Variants in ARHGAP44 observed in about 807,000 individuals in gnomAD.
ARHGAP44 encodes the protein rho GTPase-activating protein 44.
ARHGAP44 carries 43 observed loss-of-function variants against 106.8 expected under a neutral mutation model. The ratio of observed to expected loss-of-function variants is 0.40; its 90% CI spans 0.32 to 0.52. The LOEUF is 0.52. ARHGAP44 is among the 20% of genes least tolerant of loss of function. The pLI, the probability that ARHGAP44 is intolerant of heterozygous loss-of-function variation, is 0.48. For synonymous variants in ARHGAP44, 439 were observed against 410.3 expected (o/e 1.07, Z -0.85); for missense variants, 866 against 1,050.5 (o/e 0.82, Z 2.43).
At chr17:12,888,985 T>A (rs921819120) in intron 1 of ARHGAP44, among the ~76,000 whole-genome samples, 9 of 152,180 alleles carry the variant, frequency 5.9e-5, no homozygotes, top group Non-Finnish European at 1.0e-4. Flanking sequence ...TTATTTGAAA[T>A]GAGATTCTTG....
intron 1 of ARHGAP44, among the ~76,000 whole-genome samples, chr17:12,800,614 A>G (rs1039673529): frequency 6.6e-6 from 1 of 152,226 alleles, no homozygotes; most frequent in African/African-American, 2.4e-5. Context: ...GATACCGGCC[A>G]AAAGTCATAG....
At chr17:12,910,912 T>C (rs1026861908) in intron 4 of ARHGAP44, among the ~76,000 whole-genome samples, 2 of 151,844 alleles carry the variant, frequency 1.3e-5, no homozygotes, top group Non-Finnish European at 1.5e-5. Context: ...ATAAATTTAG[T>C]GTCAAATATG....
chr17:12,839,481 C>T (rs1378966264), intron 1 of ARHGAP44, among the ~76,000 whole-genome samples: 3 of 152,184 alleles, frequency 2.0e-5, no homozygotes, highest in Non-Finnish European at 4.4e-5. Flanking sequence ...TAAGAAAACA[C>T]TGTACCGTAG....
At chr17:12,980,598 G>A (rs2039807053) in intron 19 of ARHGAP44, among the ~76,000 whole-genome samples, 1 of 152,152 alleles carries the variant, frequency 6.6e-6, no homozygotes, top group Non-Finnish European at 1.5e-5. Context: ...CTTCCCCGCA[G>A]GGCAGCCTGG....
rs1555546100 is a variant in ARHGAP44 at position 12,841,637 on chromosome 17, C to CACACAA, written c.53+51749_53+51750insCAAACA. Among the ~76,000 whole-genome samples, 233 of 101,684 alleles carry CACACAA rather than the reference C, an allele frequency of 2.3e-3. 1 individual carries two copies. The highest frequency in any genetic ancestry group is 8.1e-3 in the East Asian group (27 of 3,324). 66.7% of individuals were successfully genotyped at this position (101,684 alleles called of 152,430 possible). A position where few individuals can be genotyped will look rare whatever the true frequency, so the allele number is the denominator to read the frequency against. On this transcript the variant is annotated intron_variant, in intron 1 of 20. Transcript: ENST00000379672. ...ACACACACACACACACACACACACA[C>CACACAA]ACAAACAAACAAACAAAAACCACAC...
chr17:12,931,070 G>T (rs2038384627), intron 7 of ARHGAP44, among the ~76,000 whole-genome samples: 1 of 152,028 alleles, frequency 6.6e-6, no homozygotes, highest in South Asian at 2.1e-4. Context: ...TTTTTGTTTT[G>T]TTTTGTTCTG....
chr17:12,897,130 C>A (rs1567674364), intron 3 of ARHGAP44, among the ~76,000 whole-genome samples: 1 of 152,202 alleles, frequency 6.6e-6, no homozygotes, highest in Non-Finnish European at 1.5e-5. Flanking sequence ...TTGACCCCAT[C>A]CCTCTCAGCC....
chr17:12,826,146 G>C (rs1474751252), intron 1 of ARHGAP44, among the ~76,000 whole-genome samples: 1 of 152,080 alleles, frequency 6.6e-6, no homozygotes, highest in African/African-American at 2.4e-5. Context: ...CTTGTGTCCT[G>C]GGGTGGTTTG....
chr17:12,816,720 C>T (rs1017636620), intron 1 of ARHGAP44, among the ~76,000 whole-genome samples: 16 of 152,048 alleles, frequency 1.1e-4, no homozygotes, highest in Non-Finnish European at 1.9e-4. Context: ...AATAATTCTA[C>T]GTGTGTATGC....
intron 1 of ARHGAP44, among the ~76,000 whole-genome samples, chr17:12,847,005 C>T (rs1002604579): frequency 3.9e-5 from 6 of 152,154 alleles, no homozygotes; most frequent in African/African-American, 1.4e-4. Context: ...GTGCAGACAG[C>T]GTCGTTGAAG....
intron 6 of ARHGAP44, among the ~76,000 whole-genome samples, chr17:12,925,705 A>G (rs1426951088): frequency 2.0e-5 from 3 of 152,198 alleles, no homozygotes; most frequent in Non-Finnish European, 2.9e-5. Context: ...TACATCAGCT[A>G]CTTTAGTGAG....
At chr17:12,937,123 T>A (rs1432286888) in intron 7 of ARHGAP44, among the ~76,000 whole-genome samples, 1 of 152,224 alleles carries the variant, frequency 6.6e-6, no homozygotes, top group Non-Finnish European at 1.5e-5. Context: ...GTTGTTGTTT[T>A]AATTATTATT....
intron 3 of ARHGAP44, among the ~76,000 whole-genome samples, chr17:12,901,016 C>T (rs1041406422): frequency 1.8e-4 from 27 of 149,450 alleles, no homozygotes; most frequent in South Asian, 8.6e-4. Flanking sequence ...CTCTGCCTCC[C>T]GGGTTCAAGC....
At chr17:12,874,708 G>A (rs569255531) in intron 1 of ARHGAP44, among the ~76,000 whole-genome samples, 4 of 150,488 alleles carry the variant, frequency 2.7e-5, no homozygotes, top group Non-Finnish European at 2.9e-5. Flanking sequence ...CTCTAGCCTG[G>A]GTAAGAAGAG....
rs536186788 is a variant in ARHGAP44, at chr17:12,962,663, C to T, written c.1523+3766C>T. 4.0e-4 allele frequency among the ~76,000 whole-genome samples: 61 copies of T among 152,246 alleles called. No homozygotes were observed. The South Asian group carries it at 0.013, about 32-fold the overall frequency. On this transcript the variant is annotated intron_variant, in intron 16 of 20. Coordinates refer to ENST00000379672, the MANE Select transcript of ARHGAP44 (RefSeq NM_014859.6). ...AGAGATGGCCACAAGCCAGAGATTG[C>T]CAACAGCCACCAGAAGCTAGAAGAG... is the stretch of plus-strand genomic sequence containing the variant.
At chr17:12,982,803 C>T (rs1001100924) in intron 19 of ARHGAP44, 6 of 151,918 alleles carry the variant, frequency 3.9e-5, no homozygotes, top group Non-Finnish European at 8.8e-5. Context: ...TGGTAGGATT[C>T]TGAAGGGCAT....
chr17:12,948,752 C>CACACACACACACCCA (rs1221163562), intron 10 of ARHGAP44, among the ~76,000 whole-genome samples: 4 of 140,794 alleles, frequency 2.8e-5, no homozygotes, highest in Admixed American at 7.2e-5. Context: ...ACACACACAC[C>CACACACACACACCCA]CCCTGTAGAC....
At chr17:12,943,529 C>A in intron 8 of ARHGAP44, 59 bp from the exon 9 acceptor site, 1 of 1,546,528 alleles carries the variant, frequency 6.5e-7, no homozygotes, top group South Asian at 1.1e-5. Flanking sequence ...CTTTGCATGC[C>A]ATGGCAGCCT....
intron 16 of ARHGAP44, among the ~76,000 whole-genome samples, chr17:12,971,683 GTGTT>G (rs3837823): frequency 0.08 from 12,102 of 152,202 alleles, 623 homozygotes; most frequent in Admixed American, 0.12. Flanking sequence ...CGTATAGGAA[GTGTT>G]TGTTTATTGG....
Sources: allele counts gnomAD v4.1 joint callset (sites outside exome capture counted in the v4.1 genomes callset), GRCh38; gene constraint gnomAD v4.1.1; transcripts MANE v1.5; gene names NCBI Gene and HGNC (gene_info 2026-07-23, HGNC 2026-07-21).